The following PHF24 variants were observed in gnomAD, a reference collection of about 807,000 sequenced individuals.
The protein encoded by PHF24 is Galpha inhibitory interacting protein.
A neutral mutation model predicts 42.6 loss-of-function variants in PHF24; 25 were observed. The observed-to-expected ratio is 0.59, with a 90% confidence interval of 0.43 to 0.82. The LOEUF is 0.82. Ranked by LOEUF, PHF24 falls within the 40% of genes least tolerant of loss-of-function variation. PHF24 has a pLI of 0.00. For synonymous variants in PHF24, 185 were observed against 204.8 expected (o/e 0.90, Z 0.83); for missense variants, 470 against 538.1 (o/e 0.87, Z 1.25).
the PHF24 span, among the ~76,000 whole-genome samples, chr9:34,812,218 C>G: frequency 3.3e-5 from 5 of 151,840 alleles, no homozygotes; most frequent in East Asian, 7.7e-4. Flanking sequence ...TTAAAACAGA[C>G]AAAACAAACA....
chr9:34,954,996 T>C (rs1826336519), upstream of PHF24, among the ~76,000 whole-genome samples: 1 of 152,226 alleles, frequency 6.6e-6, no homozygotes, highest in African/African-American at 2.4e-5. Flanking sequence ...TACAATATTC[T>C]CTTTAAGTAT....
At chr9:34,709,486 C>G in the PHF24 span, 1 of 1,613,958 alleles carries the variant, frequency 6.2e-7, no homozygotes, top group Non-Finnish European at 8.5e-7. Flanking sequence ...ACCCACATCC[C>G]TCAGATTCCT....
At chr9:34,689,193 C>G in the PHF24 span, among the ~76,000 whole-genome samples, 2 of 152,116 alleles carry the variant, frequency 1.3e-5, no homozygotes, top group South Asian at 2.1e-4. The surrounding 1 kb of genome is among the most constrained non-coding windows in gnomAD (Gnocchi z 4.1). Context: ...TCCCTTCCCC[C>G]CAGTGACACT....
intron 1 of PHF24, among the ~76,000 whole-genome samples, chr9:34,966,723 C>G (rs1029222127): frequency 6.6e-6 from 1 of 152,076 alleles, no homozygotes; most frequent in Non-Finnish European, 1.5e-5. Context: ...CAGGGTCTCA[C>G]TGTGTTGCCC....
chr9:34,772,886 A>G, the PHF24 span, among the ~76,000 whole-genome samples: 1 of 152,230 alleles, frequency 6.6e-6, no homozygotes, highest in Non-Finnish European at 1.5e-5. Context: ...ATATGTGTAT[A>G]TATACCGGTT....
At chr9:34,678,384 A>AGCGCAATG in the PHF24 span, 1 of 127,586 alleles carries the variant, frequency 7.8e-6, no homozygotes, top group Non-Finnish European at 1.5e-5. Flanking sequence ...CCCTGGCTGG[A>AGCGCAATG]GCGCAATGGC....
At chr9:34,733,865 T>C in the PHF24 span, among the ~76,000 whole-genome samples, 1 of 152,166 alleles carries the variant, frequency 6.6e-6, no homozygotes, top group Non-Finnish European at 1.5e-5. Flanking sequence ...TATAAAAAAG[T>C]TCCAATTCTT....
At chr9:34,685,582 A>C in the PHF24 span, among the ~76,000 whole-genome samples, 1 of 152,152 alleles carries the variant, frequency 6.6e-6, no homozygotes, top group Non-Finnish European at 1.5e-5. Context: ...CCTCAGTCCA[A>C]GTGCTGCCCA....
the PHF24 span, among the ~76,000 whole-genome samples, chr9:34,794,202 G>A: frequency 5.3e-5 from 8 of 152,114 alleles, no homozygotes; most frequent in Non-Finnish European, 1.2e-4. Flanking sequence ...CCCATACTGA[G>A]CACTTGGTGG....
chr9:34,761,322 T>TA, the PHF24 span, among the ~76,000 whole-genome samples: 1 of 151,824 alleles, frequency 6.6e-6, no homozygotes, highest in Non-Finnish European at 1.5e-5. Context: ...CAGTTTTTTT[T>TA]AATAGATGGG....
At chr9:34,940,339 C>T in the PHF24 span, among the ~76,000 whole-genome samples, 2 of 151,848 alleles carry the variant, frequency 1.3e-5, no homozygotes, top group Non-Finnish European at 2.9e-5. Context: ...ACCCTGAATC[C>T]TGTAAGAGAG....
chr9:34,977,265 G>C (rs1188891812), intron 6 of PHF24, 22 bp downstream of exon 6: 1 of 1,568,118 alleles, frequency 6.4e-7, no homozygotes, highest in African/African-American at 1.4e-5. Context: ...ACCAGTCCTG[G>C]TCCCCACTCA....
chr9:34,720,404 C>T, the PHF24 span, among the ~76,000 whole-genome samples: 74 of 149,754 alleles, frequency 4.9e-4, no homozygotes, highest in Admixed American at 1.7e-3. Context: ...GAGATTGCGC[C>T]ACTGCAGCCC....
the PHF24 span, among the ~76,000 whole-genome samples, chr9:34,874,326 C>T: frequency 2.6e-5 from 4 of 152,066 alleles, no homozygotes; most frequent in African/African-American, 4.8e-5. Flanking sequence ...GCAGAAAAGG[C>T]CTTTGACAAA....
At chr9:34,822,670 G>A in the PHF24 span, among the ~76,000 whole-genome samples, 39 of 152,250 alleles carry the variant, frequency 2.6e-4, no homozygotes, top group South Asian at 5.4e-3. Flanking sequence ...TTGGAGGCCC[G>A]TCAGAATCAC....
At chr9:34,815,576 C>T in the PHF24 span, among the ~76,000 whole-genome samples, 10 of 152,198 alleles carry the variant, frequency 6.6e-5, no homozygotes, top group Non-Finnish European at 1.5e-4. Context: ...CCTGCCTTGG[C>T]GTCCCCAAGT....
chr9:34,717,083 T>C, the PHF24 span, among the ~76,000 whole-genome samples: 1 of 152,184 alleles, frequency 6.6e-6, no homozygotes, highest in Non-Finnish European at 1.5e-5. Flanking sequence ...ATTCAGCTCC[T>C]GGGGAGAGGG....
chr9:34,670,154 A>G, the PHF24 span, among the ~76,000 whole-genome samples: 1 of 152,166 alleles, frequency 6.6e-6, no homozygotes, highest in Non-Finnish European at 1.5e-5. Flanking sequence ...ACCCTCCTAG[A>G]CTTCATCCTG....
chr9:34,814,314 A>C, the PHF24 span, among the ~76,000 whole-genome samples: 7 of 152,280 alleles, frequency 4.6e-5, no homozygotes, highest in South Asian at 1.5e-3. Flanking sequence ...CCGTTGAGAG[A>C]GGCAACCTGT....
Sources: gnomAD v4.1 joint callset for allele counts (sites outside exome capture counted in the v4.1 genomes callset) on GRCh38, gnomAD v4.1.1 for gene constraint, Gnocchi (gnomAD v3.1) non-coding constraint, MANE v1.5 for transcripts, NCBI Gene and HGNC (gene_info 2026-07-23, HGNC 2026-07-21) for gene names.